Variants in MYO1F observed in about 807,000 individuals in gnomAD.
MYO1F encodes the protein myosin IF.
MYO1F carries 60 observed loss-of-function variants against 146.6 expected under a neutral mutation model. The ratio of observed to expected loss-of-function variants is 0.41; its 90% confidence interval spans 0.33 to 0.51. The LOEUF is 0.51. Among genes scored for constraint, MYO1F ranks in the 20% least tolerant of loss-of-function variants. The pLI, the probability that MYO1F is intolerant of heterozygous loss-of-function variation, is 0.25. For synonymous variants in MYO1F, 602 were observed against 602.1 expected, an observed-to-expected ratio of 1.00 and a Z score of 0.00; for missense variants, 1,274 against 1,534.3, an observed-to-expected ratio of 0.83 and a Z score of 2.83.
Position 8,526,554 on chromosome 19 carries a change from C to T in MYO1F, c.2669G>A (p.Arg890His). The change falls in exon 24 of 28, where the codon CGC (arginine) becomes CAC (histidine). Residue 890 changes from arginine to histidine, a missense_variant. Transcript: ENST00000644032. ...KKEGWGGGGT[R>H]SVTFSRGFGD... ...GAAGCCGCGGGAGAAGGTGACGCTG[C>T]GGGTGCCGCCACCGCCCCAGCCCTC... is the stretch of plus-strand genomic sequence containing the variant. 1 of 1,597,518 alleles carries T rather than the reference C, an allele frequency of 6.3e-7. No individual in the cohort carries two copies. The highest frequency in any genetic ancestry group is 8.5e-7 in the Non-Finnish European group (1 of 1,174,316).
At chr19:8,547,298 C>T (rs1973402483) in intron 12 of MYO1F, among the ~76,000 whole-genome samples, 1 of 67,590 alleles carries the variant, frequency 1.5e-5, no homozygotes, top group Non-Finnish European at 2.6e-5. Context: ...GAGTTCCTGT[C>T]TCAAAAAAAA....
At position 8,526,862 on chromosome 19, in the gene MYO1F, C is replaced by T; in HGVS notation, c.2548G>A (p.Glu850Lys). ...DSFLESVFKTEFVSLLCKRFE... is the reference protein window; with the variant it reads ...DSFLESVFKTKFVSLLCKRFE... ...CGCTTGCACAGAAGGCTGACAAACT[C>T]GGTCTTGAAGACGCTCTCCAGGAAG... The change falls in exon 23 of 28, where the codon GAG becomes AAG. Residue 850 changes from glutamate (E) to lysine (K), a missense_variant. Coordinates refer to ENST00000644032, the MANE Select transcript of MYO1F (RefSeq NM_012335.4). The T allele has an allele frequency of 1.2e-6, 2 of 1,614,024 alleles. No homozygotes were observed. Among genetic ancestry groups the T allele is most frequent in the Admixed American group, 1.7e-5 (1 of 60,004 alleles).
At chr19:8,545,567 C>T (rs971593199) in intron 13 of MYO1F, 83 bp downstream of exon 13, 1 of 1,156,950 alleles carries the variant, frequency 8.6e-7, no homozygotes, top group Non-Finnish European at 1.3e-6. Flanking sequence ...GATGCCATAA[C>T]ACCCTTGGCC....
At position 8,525,580 on chromosome 19, in the gene MYO1F, G is replaced by C. The variant is rs1392216557; in HGVS notation, c.2771-18C>G. The C allele has an allele frequency of 1.2e-6, 2 of 1,606,006 alleles. No homozygotes were observed. Among genetic ancestry groups the C allele is most frequent in the Admixed American group, 3.3e-5 (2 of 59,900 alleles). On this transcript the variant is annotated intron_variant, in intron 24 of 27. Coordinates refer to ENST00000644032, the MANE Select transcript of MYO1F (RefSeq NM_012335.4). ...CGTAGGCTCTGAAAGAAGAGTGTCA[G>C]GGAGTTGAATGACAGACAGACCACG...
chr19:8,525,682 C>T lies in MYO1F; in HGVS notation c.2771-120G>A, dbSNP rs538916583. 852 of 830,938 alleles carry T rather than the reference C, an allele frequency of 1.0e-3. 1 individual carries two copies. The highest frequency in any genetic ancestry group is 9.2e-4 in the Non-Finnish European group (464 of 503,714). The allele number at this position is 830,938 out of a possible 1,614,324, so 51.5% of individuals were successfully genotyped here. A position where few individuals can be genotyped will look rare whatever the true frequency, so the allele number is the denominator to read the frequency against. On this transcript the variant is annotated intron_variant, in intron 24 of 27. Coordinates refer to ENST00000644032, the MANE Select transcript of MYO1F (RefSeq NM_012335.4). ...GCCCCCTCAGGCTCTCCCATTAGCACCGCCCCTTAGGTACAGTTACACTGG... is the reference window on the plus strand; with the variant it reads ...GCCCCCTCAGGCTCTCCCATTAGCATCGCCCCTTAGGTACAGTTACACTGG...
chr19:8,543,183 C>T (rs1307146171), intron 14 of MYO1F, among the ~76,000 whole-genome samples: 4 of 152,236 alleles, frequency 2.6e-5, no homozygotes, highest in Non-Finnish European at 4.4e-5. Context: ...GGATTACAGG[C>T]GTGAGCCACC....
At chr19:8,558,647 G>A (rs1040802915) in intron 1 of MYO1F, among the ~76,000 whole-genome samples, 2 of 152,122 alleles carry the variant, frequency 1.3e-5, no homozygotes, top group Admixed American at 1.3e-4. Context: ...CTGCAAAGGA[G>A]TAGTCTGACA....
In MYO1F at chr19:8,522,185, G is replaced by A. The variant is rs568530224; in HGVS notation, c.3220+192C>T. 3.3e-3 allele frequency among the ~76,000 whole-genome samples: 496 copies of A among 152,228 alleles called. 3 individuals are homozygous for A. Among genetic ancestry groups the A allele is most frequent in the African/African-American group, 0.011 (460 of 41,516 alleles). On this transcript the variant is annotated intron_variant, in intron 27 of 27. Coordinates refer to ENST00000644032, the MANE Select transcript of MYO1F (RefSeq NM_012335.4). ...CTACAGGCGCCCGCCACCACGCCCGGCTAATTTTTTGTATTTTTAGTAGAG... is the reference window on the plus strand; with the variant it reads ...CTACAGGCGCCCGCCACCACGCCCGACTAATTTTTTGTATTTTTAGTAGAG...
chr19:8,548,915 A>G (rs1437502130), intron 10 of MYO1F, among the ~76,000 whole-genome samples: 1 of 149,214 alleles, frequency 6.7e-6, no homozygotes, highest in Non-Finnish European at 1.5e-5. Flanking sequence ...TATCTTTAAA[A>G]GGGGTTGATA....
At chr19:8,573,517 TCAC>T (rs1290652489) in intron 1 of MYO1F, among the ~76,000 whole-genome samples, 3 of 151,676 alleles carry the variant, frequency 2.0e-5, no homozygotes, top group Non-Finnish European at 2.9e-5. Context: ...TCTCCCACGA[TCAC>T]CACCACCACC....
In MYO1F at chr19:8,530,423, G is replaced by T; in HGVS notation, c.2158+36C>A. The T allele has an allele frequency of 6.2e-7, 1 of 1,613,610 alleles. No individual in the cohort carries two copies. Among genetic ancestry groups the T allele is most frequent in the Non-Finnish European group, 8.5e-7 (1 of 1,179,890 alleles). ...TGATACAGCTCCTCCAGGTCCTTGTGCCCCCACCCCGCGCCGTTTACCCGA... is the reference window on the plus strand; with the variant it reads ...TGATACAGCTCCTCCAGGTCCTTGTTCCCCCACCCCGCGCCGTTTACCCGA... On this transcript the variant is annotated intron_variant, in intron 20 of 27. Coordinates refer to ENST00000644032, the MANE Select transcript of MYO1F (RefSeq NM_012335.4). The surrounding 1 kb of genome is among the most constrained non-coding windows in gnomAD (Gnocchi z 5.8).
chr19:8,526,097 G>A (rs1415626946), intron 24 of MYO1F, among the ~76,000 whole-genome samples: 2 of 152,236 alleles, frequency 1.3e-5, no homozygotes, highest in African/African-American at 4.8e-5. Flanking sequence ...GGGAGGCCGA[G>A]GCGGGTGGAG....
At chr19:8,529,709 A>C (rs1038657038) in intron 21 of MYO1F, 92 of 276,084 alleles carry the variant, frequency 3.3e-4, no homozygotes, top group African/African-American at 1.6e-3. Flanking sequence ...GATTGTTGAG[A>C]GATGCATCTG....
intron 1 of MYO1F, among the ~76,000 whole-genome samples, chr19:8,562,311 T>C (rs1307662868): frequency 6.6e-6 from 1 of 152,086 alleles, no homozygotes; most frequent in East Asian, 1.9e-4. Context: ...TTCCTTTCTT[T>C]TTCTTGTCTT....
rs761711607 is a variant in MYO1F at position 8,522,529 on chromosome 19, C to T, written c.3068G>A (p.Ser1023Asn). 6.2e-7 allele frequency: 1 copy of T among 1,612,808 alleles called. No homozygotes were observed. The highest frequency in any genetic ancestry group is 2.2e-5 in the East Asian group (1 of 44,846). Residue 1023 changes from serine to asparagine, a missense_variant, in exon 27 of 28, where the codon AGC (serine) becomes AAC (asparagine). Coordinates refer to ENST00000644032, the MANE Select transcript of MYO1F (RefSeq NM_012335.4). The part of the protein sequence containing the change: ...QGMAGMQRKR[S>N]VGQRPVPGVG... ...ACCAGGCACTGGCCGTTGCCCCACG[C>T]TGCGCTTCCTCTGCATGCTGTGGGC...
chr19:8,534,558 G>T (rs761994355), intron 19 of MYO1F, among the ~76,000 whole-genome samples: 1 of 151,624 alleles, frequency 6.6e-6, no homozygotes, highest in East Asian at 1.9e-4. Context: ...CCACCACCCT[G>T]GCCTCCCAAA....
chr19:8,557,762 G>A (rs1277260227), intron 1 of MYO1F, among the ~76,000 whole-genome samples: 1 of 152,148 alleles, frequency 6.6e-6, no homozygotes, highest in Non-Finnish European at 1.5e-5. Context: ...GGTGGGAAGT[G>A]GGCGCATCCC....
Position 8,552,096 on chromosome 19 carries a change from C to G in MYO1F, c.573G>C (p.Leu191Phe), listed in dbSNP as rs770511572. The part of the protein sequence containing the change: ...EPDGGKISNF[L>F]LEKSRVVMQN... ...GCATGACCACGCGGGACTTCTCCAG[C>G]AAGAAGTTGGAGATCTTGCCCCCAT... Residue 191 changes from leucine to phenylalanine, a missense_variant, in exon 7 of 28, where the codon TTG (leucine) becomes TTC (phenylalanine). Physicochemically the swap from Leu to Phe is conservative, Grantham distance 22. Transcript: ENST00000644032. 1 of 1,614,084 alleles carries G rather than the reference C, an allele frequency of 6.2e-7. No homozygotes were observed. The highest frequency in any genetic ancestry group is 2.2e-5 in the East Asian group (1 of 44,874).
chr19:8,574,473 C>G (rs1555732752), intron 1 of MYO1F, among the ~76,000 whole-genome samples: 1 of 152,146 alleles, frequency 6.6e-6, no homozygotes, highest in Non-Finnish European at 1.5e-5. Context: ...TTCCATGGAC[C>G]ATGGAGCGGG....
Sources: gnomAD v4.1 joint callset for allele counts (sites outside exome capture counted in the v4.1 genomes callset) on GRCh38, gnomAD v4.1.1 for gene constraint, Gnocchi (gnomAD v3.1) non-coding constraint, MANE v1.5 for transcripts, NCBI Gene and HGNC (gene_info 2026-07-23, HGNC 2026-07-21) for gene names.